NCKAP5: variants seen among roughly 807,000 people sequenced by gnomAD.
The protein encoded by NCKAP5 is NCK associated protein 5.
A neutral mutation model predicts 167.0 loss-of-function variants in NCKAP5; 92 were observed. The observed-to-expected ratio is 0.55, with a 90% CI of 0.47 to 0.66. The LOEUF (loss-of-function observed/expected upper bound fraction) is 0.66. NCKAP5 is among the 30% of genes least tolerant of loss of function. NCKAP5 has a pLI of 0.00. For synonymous variants in NCKAP5, 891 were observed against 877.4 expected (o/e 1.02, Z -0.27); for missense variants, 2,378 against 2,315.0 (o/e 1.03, Z -0.56).
chr2:132,790,053 C>G lies in NCKAP5; in HGVS notation c.1062G>C (p.Thr354=). The G allele has an allele frequency of 6.2e-7, 1 of 1,612,920 alleles. No homozygotes were observed. Among genetic ancestry groups the G allele is most frequent in the Non-Finnish European group, 8.5e-7 (1 of 1,179,402 alleles). Residue 354 remains threonine, a synonymous_variant, in exon 13 of 20, where the codon ACG becomes ACC. Transcript: ENST00000409261. The stretch of plus-strand genomic sequence containing the variant: ...TCCTGAGGTTCTTCCCATCGTGCCA[C>G]GTGTAGGAGGAGCCACTGGAGTACT... ...CSEYSSGSSY[T]WHDGKNLRKR...
chr2:133,580,374 T>C, the NCKAP5 span, among the ~76,000 whole-genome samples: 5 of 152,316 alleles, frequency 3.3e-5, 1 homozygote, highest in South Asian at 1.0e-3. Flanking sequence ...TTCTCTGAGC[T>C]CTGTGTATTA....
intron 7 of NCKAP5, among the ~76,000 whole-genome samples, chr2:132,964,453 G>A (rs2076602877): frequency 6.6e-6 from 1 of 152,142 alleles, no homozygotes; most frequent in South Asian, 2.1e-4. Flanking sequence ...CCTTGAGGCA[G>A]ACATAAAAAG....
intron 16 of NCKAP5, among the ~76,000 whole-genome samples, chr2:132,755,854 A>AAATAATAATAATAATAATAATAAT (rs56967710): frequency 2.8e-5 from 4 of 143,818 alleles, no homozygotes; most frequent in African/African-American, 5.2e-5. Context: ...CTAAATGGCA[A>AAATAATAATAATAATAATAATAAT]AATAATAATA....
intron 4 of NCKAP5, among the ~76,000 whole-genome samples, chr2:133,273,997 AC>A (rs2089627059): frequency 6.6e-6 from 1 of 151,566 alleles, no homozygotes; most frequent in African/African-American, 2.4e-5. Context: ...AAAATCTATA[AC>A]ACGCCTTATA....
chr2:133,026,684 G>T (rs2078709436), intron 6 of NCKAP5, among the ~76,000 whole-genome samples: 1 of 152,138 alleles, frequency 6.6e-6, no homozygotes, highest in Non-Finnish European at 1.5e-5. Context: ...CTGTTTTTGA[G>T]AAAGTCTGTG....
chr2:133,673,971 A>C, the NCKAP5 span, among the ~76,000 whole-genome samples: 2 of 152,072 alleles, frequency 1.3e-5, no homozygotes, highest in Non-Finnish European at 2.9e-5. Flanking sequence ...GCTCAGCCAT[A>C]CTCCAACTTA....
intron 5 of NCKAP5, among the ~76,000 whole-genome samples, chr2:133,174,890 C>A (rs1330878615): frequency 6.6e-6 from 1 of 151,718 alleles, no homozygotes; most frequent in African/African-American, 2.4e-5. Context: ...AGGGTAGATC[C>A]CTAAACCGAG....
chr2:132,958,604 T>C (rs774549177), intron 8 of NCKAP5, among the ~76,000 whole-genome samples: 2 of 152,190 alleles, frequency 1.3e-5, no homozygotes, highest in South Asian at 2.1e-4. Flanking sequence ...TGTGAACTCA[T>C]CTTCTTCCAT....
chr2:132,963,922 T>C (rs1195348267), intron 7 of NCKAP5, 53 bp from the exon 8 acceptor site: 9 of 1,596,994 alleles, frequency 5.6e-6, no homozygotes, highest in South Asian at 2.2e-5. Context: ...AAAATAAGCA[T>C]GAGTGTGAGG....
chr2:133,016,743 T>C (rs1193376614), intron 6 of NCKAP5, among the ~76,000 whole-genome samples: 1 of 152,184 alleles, frequency 6.6e-6, no homozygotes, highest in Non-Finnish European at 1.5e-5. Context: ...GATAGCTGAG[T>C]CTGGCCAATA....
At chr2:133,077,674 T>C (rs2080654920) in intron 6 of NCKAP5, among the ~76,000 whole-genome samples, 1 of 152,166 alleles carries the variant, frequency 6.6e-6, no homozygotes, top group Non-Finnish European at 1.5e-5. Context: ...GACGCAAAAC[T>C]GAAAGGAAGA....
At chr2:132,883,205 T>TACAC (rs3044408) in intron 8 of NCKAP5, among the ~76,000 whole-genome samples, 22,328 of 139,560 alleles carry the variant, frequency 0.16, 2,179 homozygotes, top group East Asian at 0.47. Flanking sequence ...CTGACTCAAA[T>TACAC]ACACACACAC....
intron 5 of NCKAP5, among the ~76,000 whole-genome samples, chr2:133,164,865 G>A (rs564406138): frequency 6.6e-6 from 1 of 152,216 alleles, no homozygotes; most frequent in Non-Finnish European, 1.5e-5. Flanking sequence ...GAAGCAATAA[G>A]CTGTATTTGG....
intron 6 of NCKAP5, among the ~76,000 whole-genome samples, chr2:133,044,735 T>C (rs2079332805): frequency 6.6e-6 from 1 of 152,184 alleles, no homozygotes; most frequent in Non-Finnish European, 1.5e-5. Context: ...TATATGTCCC[T>C]GGAGAAGCTC....
chr2:132,769,205 C>G (rs1035702166), intron 16 of NCKAP5, among the ~76,000 whole-genome samples: 1 of 152,102 alleles, frequency 6.6e-6, no homozygotes, highest in Non-Finnish European at 1.5e-5. Context: ...GCCTCAGCCT[C>G]CCAAAGTGCT....
At position 132,779,306 on chromosome 2, in the gene NCKAP5, T is replaced by C. The variant is rs535256505; in HGVS notation, c.5049+1746A>G. On this transcript the variant is annotated intron_variant, in intron 15 of 19. Coordinates refer to ENST00000409261, the MANE Select transcript of NCKAP5 (RefSeq NM_207363.3). Reference sequence around the variant, plus strand: ...AGTCTTTTTGTTTTTTTGGTACTTCTGTACAGTGAAGATATACCCTAGGCT... The same window carrying C: ...AGTCTTTTTGTTTTTTTGGTACTTCCGTACAGTGAAGATATACCCTAGGCT... 1.8e-4 allele frequency among the ~76,000 whole-genome samples: 28 copies of C among 152,308 alleles called. 1 individual carries two copies. In the South Asian group the frequency reaches 5.4e-3, roughly 29 times the overall value.
chr2:132,766,238 C>T (rs1366778697), intron 16 of NCKAP5, among the ~76,000 whole-genome samples: 1 of 139,496 alleles, frequency 7.2e-6, no homozygotes, highest in Non-Finnish European at 1.5e-5. Flanking sequence ...TGAGATCGCA[C>T]CACTACCCTC....
At chr2:133,605,623 C>G in the NCKAP5 span, among the ~76,000 whole-genome samples, 1 of 152,184 alleles carries the variant, frequency 6.6e-6, no homozygotes, top group Admixed American at 6.5e-5. Context: ...CATCACTCTG[C>G]TCATCGATTT....
chr2:133,277,491 C>T (rs1335138857), intron 4 of NCKAP5, among the ~76,000 whole-genome samples: 1 of 152,018 alleles, frequency 6.6e-6, no homozygotes, highest in Middle Eastern at 3.2e-3. Context: ...AACGTTAAAA[C>T]TCCTGTAAAT....
Sources: allele counts gnomAD v4.1 joint callset (sites outside exome capture counted in the v4.1 genomes callset), GRCh38; gene constraint gnomAD v4.1.1; transcripts MANE v1.5; gene names NCBI Gene and HGNC (gene_info 2026-07-23, HGNC 2026-07-21).